DIAPH2: variants seen among roughly 807,000 people sequenced by gnomAD.
The protein encoded by DIAPH2 is diaphanous related formin 2, also known as protein diaphanous homolog 2.
In DIAPH2, 35 loss-of-function variants were observed where a neutral mutation model predicts 92.7. The observed-to-expected ratio is 0.38, with a 90% CI of 0.29 to 0.50. DIAPH2 has a LOEUF of 0.50. Among genes scored for constraint, DIAPH2 ranks in the 20% least tolerant of loss-of-function variants. The pLI, the probability that DIAPH2 is intolerant of heterozygous loss-of-function variation, is 0.94. For synonymous variants in DIAPH2, 301 were observed against 280.4 expected, an observed-to-expected ratio of 1.07 and a Z score of -0.73; for missense variants, 701 against 819.5, an observed-to-expected ratio of 0.86 and a Z score of 1.77.
Position 97,506,494 on chromosome X carries a change from T to C in DIAPH2, c.3241+76749T>C, listed in dbSNP as rs376350569. 2.1e-4 allele frequency among the ~76,000 whole-genome samples: 15 copies of C among 72,224 alleles called. No homozygotes were observed. The South Asian group carries it at 0.01, about 50-fold the overall frequency. The allele number at this position is 72,224 out of a possible 115,157, so 62.7% of individuals were successfully genotyped here. ...TTTCAGATGGTAAACTAAAAGGAAATAAAATTGTAACCTCAGCTGGTGCCA... is the reference window on the plus strand; with the variant it reads ...TTTCAGATGGTAAACTAAAAGGAAACAAAATTGTAACCTCAGCTGGTGCCA... On this transcript the variant is annotated intron_variant, in intron 26 of 26. Coordinates refer to ENST00000324765, the MANE Select transcript of DIAPH2 (RefSeq NM_006729.5).
At chrX:97,393,061 G>A (rs2069674605) in intron 25 of DIAPH2, among the ~76,000 whole-genome samples, 1 of 110,850 alleles carries the variant, frequency 9.0e-6, no homozygotes, top group Non-Finnish European at 1.9e-5. Context: ...AGGTCATTAT[G>A]GGAATTCATT....
intron 22 of DIAPH2, among the ~76,000 whole-genome samples, chrX:97,189,629 A>G (rs1420339784): frequency 8.9e-6 from 1 of 111,788 alleles, no homozygotes; most frequent in Non-Finnish European, 1.9e-5. Context: ...CCAATATTAT[A>G]AAATTAATGT....
intron 21 of DIAPH2, among the ~76,000 whole-genome samples, chrX:97,138,898 C>A (rs1374226222): frequency 9.0e-6 from 1 of 111,153 alleles, no homozygotes; most frequent in Non-Finnish European, 1.9e-5. Flanking sequence ...ACAATATAAC[C>A]ACCACTAAGA....
intron 10 of DIAPH2, among the ~76,000 whole-genome samples, chrX:96,931,631 T>C (rs1481992217): frequency 1.8e-5 from 2 of 110,237 alleles, no homozygotes; most frequent in Admixed American, 9.6e-5. Context: ...ACAACAAATG[T>C]CATTGAATGT....
chrX:96,699,069 TTCTG>T lies in DIAPH2; in HGVS notation c.132+13881_132+13884del, dbSNP rs2063840405. The stretch of plus-strand genomic sequence containing the variant: ...TAATGAGCTAATATTTCCATATTGG[TTCTG>T]TTCATACAACTGTGTACAACACAGC... On this transcript the variant is annotated intron_variant, in intron 1 of 26. Coordinates refer to ENST00000324765, the MANE Select transcript of DIAPH2 (RefSeq NM_006729.5). 2.3e-4 allele frequency among the ~76,000 whole-genome samples: 26 copies of T among 111,232 alleles called. No individual in the cohort carries two copies. In the South Asian group the frequency reaches 9.9e-3, roughly 42 times the overall value.
chrX:96,756,135 G>A (rs1459292530), intron 3 of DIAPH2, among the ~76,000 whole-genome samples: 1 of 111,623 alleles, frequency 9.0e-6, no homozygotes, highest in Admixed American at 9.5e-5. Flanking sequence ...CAAAGTGCTA[G>A]GACTTTGGCG....
intron 25 of DIAPH2, among the ~76,000 whole-genome samples, chrX:97,387,091 G>T (rs1156736022): frequency 9.0e-6 from 1 of 111,032 alleles, no homozygotes; most frequent in Non-Finnish European, 1.9e-5. Flanking sequence ...TTGAGACAGG[G>T]TCTCACTCTG....
chrX:97,503,256 T>A (rs2070810816), intron 26 of DIAPH2, among the ~76,000 whole-genome samples: 1 of 111,874 alleles, frequency 8.9e-6, no homozygotes. Flanking sequence ...GTAGAAATAC[T>A]CCAAAGGGCC....
chrX:97,393,113 A>G (rs1013278099), intron 25 of DIAPH2, among the ~76,000 whole-genome samples: 2 of 111,110 alleles, frequency 1.8e-5, no homozygotes, highest in Admixed American at 1.9e-4. Flanking sequence ...AAGAAAGGAG[A>G]GGAGACTACA....
In DIAPH2 at chrX:96,742,527, A is replaced by G. The variant is rs139779854; in HGVS notation, c.342+3765A>G. On this transcript the variant is annotated intron_variant, in intron 3 of 26. Transcript: ENST00000324765. ...TACTTGCAGTAGCTTATAAGATCCTATATGTTTTGACACCCACCACACCTT... is the reference window on the plus strand; with the variant it reads ...TACTTGCAGTAGCTTATAAGATCCTGTATGTTTTGACACCCACCACACCTT... 2.8e-3 allele frequency among the ~76,000 whole-genome samples: 312 copies of G among 111,738 alleles called. 1 individual carries two copies. Among genetic ancestry groups the G allele is most frequent in the African/African-American group, 9.7e-3 (297 of 30,735 alleles).
chrX:96,813,342 ACTC>A (rs2064702118), intron 4 of DIAPH2, among the ~76,000 whole-genome samples: 1 of 102,753 alleles, frequency 9.7e-6, no homozygotes, highest in Non-Finnish European at 2.0e-5. Context: ...TAGGATTGCA[ACTC>A]CTCTTTTTTT....
At chrX:97,394,250 C>T (rs1471121191) in intron 25 of DIAPH2, among the ~76,000 whole-genome samples, 2 of 111,511 alleles carry the variant, frequency 1.8e-5, no homozygotes, top group African/African-American at 3.3e-5. Context: ...GAGGCAATAT[C>T]GGTACTATCG....
At chrX:97,541,109 C>A (rs2071137101) in intron 26 of DIAPH2, among the ~76,000 whole-genome samples, 1 of 111,349 alleles carries the variant, frequency 9.0e-6, no homozygotes, top group African/African-American at 3.3e-5. Context: ...TCATGGATAA[C>A]CTAACTTCCC....
chrX:97,470,400 G>A (rs906230366), intron 26 of DIAPH2, among the ~76,000 whole-genome samples: 1 of 110,794 alleles, frequency 9.0e-6, no homozygotes, highest in Non-Finnish European at 1.9e-5. Context: ...ATACATTCAG[G>A]CTTGTGCAAA....
intron 17 of DIAPH2, among the ~76,000 whole-genome samples, chrX:97,012,411 C>T (rs1487685114): frequency 8.9e-6 from 1 of 111,851 alleles, no homozygotes; most frequent in Non-Finnish European, 1.9e-5. Context: ...TTAAATAACT[C>T]CTCTACTCTC....
At chrX:97,285,789 G>GT (rs2068537074) in intron 23 of DIAPH2, among the ~76,000 whole-genome samples, 1 of 110,856 alleles carries the variant, frequency 9.0e-6, no homozygotes, top group African/African-American at 3.3e-5. Flanking sequence ...TAGAGACGAG[G>GT]TTTTACCATG....
intron 23 of DIAPH2, among the ~76,000 whole-genome samples, chrX:97,266,910 G>A (rs2068341817): frequency 9.0e-6 from 1 of 111,444 alleles, no homozygotes; most frequent in Admixed American, 9.6e-5. Context: ...TACATGAAAT[G>A]TGATTTTTGT....
intron 22 of DIAPH2, among the ~76,000 whole-genome samples, chrX:97,147,828 G>A (rs1473774577): frequency 2.7e-5 from 3 of 111,170 alleles, no homozygotes; most frequent in Non-Finnish European, 5.7e-5. Flanking sequence ...ATGTTTCCAT[G>A]TCATGTTAGT....
chrX:97,012,126 C>T (rs943879705), intron 17 of DIAPH2, among the ~76,000 whole-genome samples: 7 of 110,695 alleles, frequency 6.3e-5, no homozygotes, highest in African/African-American at 2.3e-4. Flanking sequence ...GGTTAAGATT[C>T]TACAGGAACA....
Sources: allele counts gnomAD v4.1 joint callset (sites outside exome capture counted in the v4.1 genomes callset), GRCh38; gene constraint gnomAD v4.1.1; transcripts MANE v1.5; gene names NCBI Gene and HGNC (gene_info 2026-07-23, HGNC 2026-07-21).